GEMIN5: variants seen among roughly 807,000 people sequenced by gnomAD.
GEMIN5 encodes the protein gem-associated protein 5.
In GEMIN5, 124 loss-of-function variants were observed where a neutral mutation model predicts 176.9. The observed-to-expected ratio is 0.70, with a 90% confidence interval of 0.61 to 0.81. GEMIN5 has a LOEUF of 0.81. Among genes scored for constraint, GEMIN5 ranks in the 40% least tolerant of loss-of-function variants. The pLI is 0.00. For synonymous variants in GEMIN5, 673 were observed against 665.2 expected (o/e 1.01, Z -0.18); for missense variants, 1,843 against 1,814.6 (o/e 1.02, Z -0.28).
chr5:154,927,077 C>T (rs1764056155), intron 7 of GEMIN5, among the ~76,000 whole-genome samples: 1 of 151,156 alleles, frequency 6.6e-6, no homozygotes, highest in Non-Finnish European at 1.5e-5. Context: ...CTAACACTAA[C>T]AACAGCTGAT....
intron 5 of GEMIN5, among the ~76,000 whole-genome samples, chr5:154,930,870 A>G (rs1325710634): frequency 6.6e-6 from 1 of 152,186 alleles, no homozygotes; most frequent in Non-Finnish European, 1.5e-5. Flanking sequence ...AAAGAAGAGA[A>G]GCCCGCTAGA....
chr5:154,889,446 G>C, intron 26 of GEMIN5, 29 bp from the exon 27 acceptor site: 1 of 1,273,792 alleles, frequency 7.9e-7, no homozygotes, highest in African/African-American at 1.5e-5. Flanking sequence ...GGTGTAAATT[G>C]TATGTCTTGC....
At chr5:154,909,133 A>T (rs74360948) in intron 15 of GEMIN5, among the ~76,000 whole-genome samples, 817 of 99,534 alleles carry the variant, frequency 8.2e-3, no homozygotes, top group Middle Eastern at 0.017. Flanking sequence ...TAATTTTTGT[A>T]TTTTTTTTTT....
At position 154,935,964 on chromosome 5, in the gene GEMIN5, TC is replaced by T; in HGVS notation, c.385del (p.Asp129MetfsTer5). On this transcript the variant is annotated frameshift_variant, in exon 3 of 28. Transcript: ENST00000285873. LOFTEE classifies it high-confidence loss of function. ...GTAACAGAAAACTACTCCTTTTTCATCCCCAGATACTATTAAGTCCTTTACT... is the reference window on the plus strand; with the variant it reads ...GTAACAGAAAACTACTCCTTTTTCATCCCAGATACTATTAAGTCCTTTACT... ...PRVKDLIVSG[D>X]EKGVVFCYWF... 1 of 1,611,826 alleles carries T rather than the reference TC, an allele frequency of 6.2e-7. No homozygotes were observed. The highest frequency in any genetic ancestry group is 8.5e-7 in the Non-Finnish European group (1 of 1,178,094).
Position 154,917,067 on chromosome 5 carries a change from A to T in GEMIN5, c.1786T>A (p.Leu596Met). The T allele has an allele frequency of 6.2e-7, 1 of 1,610,000 alleles. No homozygotes were observed. ...WHHEHGSQPE[L>M]SYLMASGSNN... ...GAGCCAGAGGCCATCAGATAGCTCA[A>T]TTCTGGCTGGCTGCCATGCTCATGA... Residue 596 changes from leucine to methionine, a missense_variant, in exon 13 of 28, where the codon TTG (leucine) becomes ATG (methionine). Coordinates refer to ENST00000285873, the MANE Select transcript of GEMIN5 (RefSeq NM_015465.5).
At chr5:154,910,204 C>G (rs931564590) in intron 15 of GEMIN5, among the ~76,000 whole-genome samples, 1 of 151,928 alleles carries the variant, frequency 6.6e-6, no homozygotes, top group African/African-American at 2.4e-5. Flanking sequence ...TTTTGGTGAT[C>G]ACAGATAAAG....
At chr5:154,892,358 TGTG>T in intron 25 of GEMIN5, 26 bp downstream of exon 25, 1 of 1,585,168 alleles carries the variant, frequency 6.3e-7, no homozygotes, top group Non-Finnish European at 8.7e-7. Context: ...CATTAAAGGG[TGTG>T]CCTCAGGCAG....
rs758665862 is a variant in GEMIN5, at chr5:154,889,397, G to C, written c.4283C>G (p.Pro1428Arg). The C allele has an allele frequency of 4.4e-6, 7 of 1,608,154 alleles. No individual in the cohort carries two copies. Among genetic ancestry groups the C allele is most frequent in the South Asian group, 2.2e-5 (2 of 90,920 alleles). ...QSQCKEEKNE[P>R]LSLPELTKRL... Reference sequence around the variant, plus strand: ...TTTGGTTAACTCAGGCAGAGAAAGTGGCTCATTTTTTTCTTCTTTACTAGT... The same window carrying C: ...TTTGGTTAACTCAGGCAGAGAAAGTCGCTCATTTTTTTCTTCTTTACTAGT... Residue 1428 changes from proline to arginine, a missense_variant, in exon 27 of 28, where the codon CCA (proline) becomes CGA (arginine). Transcript: ENST00000285873.
chr5:154,925,873 T>A lies in GEMIN5; in HGVS notation c.1282A>T (p.Lys428Ter). ...VKNFWQGVKS[K>*]VTALCWHPTK... Reference sequence around the variant, plus strand: ...AAAAGAATCCTTACCGCTGTAACCTTGGACTTCACGCCTTGCCAAAAATTT... The same window carrying A: ...AAAAGAATCCTTACCGCTGTAACCTAGGACTTCACGCCTTGCCAAAAATTT... The change falls in exon 8 of 28, where the codon AAG becomes TAG. Residue 428 changes from lysine to a stop codon, truncating the protein, a stop_gained. Transcript: ENST00000285873. LOFTEE classifies it high-confidence loss of function. 2 of 1,603,264 alleles carry A rather than the reference T, an allele frequency of 1.2e-6. No individual in the cohort carries two copies. The highest frequency in any genetic ancestry group is 1.7e-6 in the Non-Finnish European group (2 of 1,170,154).
chr5:154,902,622 C>T lies in GEMIN5; in HGVS notation c.2783G>A (p.Trp928Ter). 6.2e-7 allele frequency: 1 copy of T among 1,613,980 alleles called. No homozygotes were observed. Among genetic ancestry groups the T allele is most frequent in the Non-Finnish European group, 8.5e-7 (1 of 1,179,852 alleles). ...GAGAACACCTTTGAGATCTCCTTTC[C>T]AAAGCATAAGCTGGTGAAATAACTC... ...HPELFHQLML[W>*]KGDLKGVLQT... Residue 928 changes from tryptophan (W) to a stop codon, truncating the protein, a stop_gained, in exon 20 of 28, where the codon TGG (tryptophan) becomes TAG (stop). Transcript: ENST00000285873. LOFTEE classifies it high-confidence loss of function.
chr5:154,925,302 G>C (rs970793925), intron 8 of GEMIN5, among the ~76,000 whole-genome samples: 5 of 152,160 alleles, frequency 3.3e-5, no homozygotes, highest in African/African-American at 1.2e-4. Flanking sequence ...TGGGGGACTG[G>C]AGTGGAGGGT....
At position 154,931,508 on chromosome 5, in the gene GEMIN5, G is replaced by C. The variant is rs1360409299; in HGVS notation, c.731C>G (p.Thr244Ser). Residue 244 changes from threonine to serine, a missense_variant, in exon 5 of 28, where the codon ACT (threonine) becomes AGT (serine). Thr to Ser is a moderately conservative substitution (Grantham distance 58). Transcript: ENST00000285873. ...TCGAATGGTTTGATCTTTGCTTCCA[G>C]TGGCTAAGTAGCAACCTTTTGTTAC... is the stretch of plus-strand genomic sequence containing the variant. ...APVTKGCYLA[T>S]GSKDQTIRIW... The C allele has an allele frequency of 1.9e-6, 3 of 1,613,088 alleles. No individual in the cohort carries two copies. The East Asian group carries it at 6.7e-5, about 36-fold the overall frequency.
intron 3 of GEMIN5, among the ~76,000 whole-genome samples, chr5:154,932,676 C>T (rs533988220): frequency 6.6e-5 from 10 of 152,362 alleles, no homozygotes; most frequent in African/African-American, 2.4e-4. Context: ...AATCCTCCCA[C>T]CTCAGCCTGG....
At chr5:154,913,091 A>T (rs1763737286) in intron 13 of GEMIN5, 53 bp from the exon 14 acceptor site, 2 of 1,461,484 alleles carry the variant, frequency 1.4e-6, no homozygotes, top group South Asian at 2.5e-5. Flanking sequence ...ACAAAAAACA[A>T]AACAAAGTAC....
intron 5 of GEMIN5, among the ~76,000 whole-genome samples, chr5:154,930,612 A>C (rs1355364939): frequency 2.6e-5 from 4 of 152,224 alleles, no homozygotes; most frequent in Non-Finnish European, 4.4e-5. Context: ...TCATATGTAT[A>C]ACTTCACTCA....
At chr5:154,908,172 C>CTTTTTTTTT (rs386405383) in intron 15 of GEMIN5, among the ~76,000 whole-genome samples, 1 of 73,080 alleles carries the variant, frequency 1.4e-5, no homozygotes, top group Non-Finnish European at 2.6e-5. Flanking sequence ...CCCAGATGTC[C>CTTTTTTTTT]TTTTTTTTTT....
Position 154,896,039 on chromosome 5 carries a change from A to G in GEMIN5, c.3597+53T>C. The G allele has an allele frequency of 1.9e-6, 3 of 1,591,608 alleles. No homozygotes were observed. In the South Asian group the frequency reaches 3.4e-5, roughly 18 times the overall value. The stretch of plus-strand genomic sequence containing the variant: ...TCCCCGTTACAATAGACATGGATTA[A>G]GGAAGTCTTACCACTGAGTGATTAA... On this transcript the variant is annotated intron_variant, in intron 24 of 27. Coordinates refer to ENST00000285873, the MANE Select transcript of GEMIN5 (RefSeq NM_015465.5).
chr5:154,917,943 C>T lies in GEMIN5; in HGVS notation c.1661G>A (p.Gly554Asp), dbSNP rs1763845779. 6 of 1,609,352 alleles carry T rather than the reference C, an allele frequency of 3.7e-6. No individual in the cohort carries two copies. In the East Asian group the frequency reaches 1.3e-4, roughly 36 times the overall value. The change falls in exon 12 of 28, where the codon GGC becomes GAC. Residue 554 changes from glycine (G) to aspartate (D), a missense_variant. Coordinates refer to ENST00000285873, the MANE Select transcript of GEMIN5 (RefSeq NM_015465.5). ...AGCAAATACATACCCATCTTCATTGCCAAGAGCCATGATTTTGCCATCTGC... is the reference window on the plus strand; with the variant it reads ...AGCAAATACATACCCATCTTCATTGTCAAGAGCCATGATTTTGCCATCTGC... ...WKADGKIMALGNEDGSIEIFQ... is the reference protein window; with the variant it reads ...WKADGKIMALDNEDGSIEIFQ...
In GEMIN5 at chr5:154,920,022, A is replaced by C; in HGVS notation, c.1544T>G (p.Leu515Arg). Residue 515 changes from leucine to arginine, a missense_variant, in exon 11 of 28, where the codon CTT becomes CGT. By Grantham distance (102) the Leu-to-Arg change is moderately radical. Coordinates refer to ENST00000285873, the MANE Select transcript of GEMIN5 (RefSeq NM_015465.5). ...GIVLQHNPWK[L>R]SGEAFDINKL... ...GTTGATGTCAAAGGCTTCTCCACTAAGCTTCCAGGGATTATGCTGTAAGAC... is the reference window on the plus strand; with the variant it reads ...GTTGATGTCAAAGGCTTCTCCACTACGCTTCCAGGGATTATGCTGTAAGAC... The C allele has an allele frequency of 6.2e-7, 1 of 1,613,554 alleles. No homozygotes were observed. The highest frequency in any genetic ancestry group is 1.1e-5 in the South Asian group (1 of 91,050).
Sources: gnomAD v4.1 joint callset for allele counts (sites outside exome capture counted in the v4.1 genomes callset) on GRCh38, gnomAD v4.1.1 for gene constraint, MANE v1.5 for transcripts, NCBI Gene and HGNC (gene_info 2026-07-23, HGNC 2026-07-21) for gene names.